Variants in MYT1L observed in about 807,000 individuals in gnomAD.
The protein encoded by MYT1L is myelin transcription factor 1-like protein.
A neutral mutation model predicts 126.7 loss-of-function variants in MYT1L; 12 were observed. The observed-to-expected ratio is 0.09, with a 90% CI of 0.06 to 0.15. The LOEUF is 0.15. Ranked by LOEUF, MYT1L falls within the 10% of genes least tolerant of loss-of-function variation. The pLI is 1.00. For synonymous variants in MYT1L, 541 were observed against 604.2 expected, an observed-to-expected ratio of 0.90 and a Z score of 1.53; for missense variants, 979 against 1,585.2, an observed-to-expected ratio of 0.62 and a Z score of 6.49.
At chr2:1,845,850 G>T (rs1322197684) in intron 19 of MYT1L, among the ~76,000 whole-genome samples, 5 of 152,182 alleles carry the variant, frequency 3.3e-5, no homozygotes, top group Non-Finnish European at 7.3e-5. Flanking sequence ...TGTCAAATGT[G>T]CATTGATGTT....
chr2:2,275,863 T>G (rs895256044), intron 2 of MYT1L, among the ~76,000 whole-genome samples: 1 of 152,162 alleles, frequency 6.6e-6, no homozygotes, highest in African/African-American at 2.4e-5. Context: ...GCCTTGTTCT[T>G]GTCCTCAAGA....
chr2:1,858,964 T>G (rs528183537), intron 18 of MYT1L, among the ~76,000 whole-genome samples: 3 of 152,138 alleles, frequency 2.0e-5, no homozygotes, highest in African/African-American at 4.8e-5. Context: ...TAGGAAAGGG[T>G]GCGGCGGCAT....
At position 2,015,080 on chromosome 2, in the gene MYT1L, C is replaced by T. The variant is rs140489254; in HGVS notation, c.-157-17733G>A. ...TGCAAATTTTCTAGCTGGGCTGGCA[C>T]TTGTATCCATAGATACCAGGTGTCC... On this transcript the variant is annotated intron_variant, in intron 4 of 24. Coordinates refer to ENST00000647738, the MANE Select transcript of MYT1L (RefSeq NM_001303052.2). Among the ~76,000 whole-genome samples the T allele has an allele frequency of 4.6e-5, 7 of 152,310 alleles. No individual in the cohort carries two copies. In the East Asian group the frequency reaches 1.2e-3, roughly 25 times the overall value.
chr2:2,302,701 T>G lies in MYT1L; in HGVS notation c.-520-18198A>C, dbSNP rs547211284. Among the ~76,000 whole-genome samples, 29 of 152,318 alleles carry G rather than the reference T, an allele frequency of 1.9e-4. No homozygotes were observed. In the South Asian group the frequency reaches 6.0e-3, roughly 32 times the overall value. On this transcript the variant is annotated intron_variant, in intron 1 of 24. Transcript: ENST00000647738. Reference sequence around the variant, plus strand: ...GGAAACCTGATCAAATTCTTGTAACTCTTAGAGAATTTAAATGGGCTCTTT... The same window carrying G: ...GGAAACCTGATCAAATTCTTGTAACGCTTAGAGAATTTAAATGGGCTCTTT...
At chr2:1,931,210 C>A (rs950115238) in intron 9 of MYT1L, among the ~76,000 whole-genome samples, 3 of 152,316 alleles carry the variant, frequency 2.0e-5, no homozygotes, top group Non-Finnish European at 2.9e-5. Context: ...TCCTCATCTG[C>A]CGTGGCAGAC....
At chr2:2,009,383 T>G (rs1484360028) in intron 4 of MYT1L, among the ~76,000 whole-genome samples, 1 of 152,216 alleles carries the variant, frequency 6.6e-6, no homozygotes, top group African/African-American at 2.4e-5. Context: ...ATTTCTTTCC[T>G]TAATGTTTTA....
At chr2:2,189,703 TGAA>T (rs1384176186) in intron 2 of MYT1L, among the ~76,000 whole-genome samples, 2 of 152,214 alleles carry the variant, frequency 1.3e-5, no homozygotes, top group East Asian at 3.9e-4. Flanking sequence ...ATTAAGCCTA[TGAA>T]GAGCCCTTGT....
chr2:1,857,755 C>T (rs1050133619), intron 18 of MYT1L, among the ~76,000 whole-genome samples: 3 of 152,050 alleles, frequency 2.0e-5, no homozygotes, highest in African/African-American at 4.8e-5. Context: ...ATGGAAATTT[C>T]AATTTTAAAA....
At chr2:2,157,623 G>A (rs1383599629) in intron 3 of MYT1L, among the ~76,000 whole-genome samples, 3 of 152,194 alleles carry the variant, frequency 2.0e-5, no homozygotes, top group Non-Finnish European at 4.4e-5. Flanking sequence ...AGCATATGAG[G>A]AAAGGCAGGA....
intron 3 of MYT1L, among the ~76,000 whole-genome samples, chr2:2,139,438 G>A (rs956981160): frequency 6.6e-6 from 1 of 151,564 alleles, no homozygotes; most frequent in Non-Finnish European, 1.5e-5. Flanking sequence ...TGGCCAACAT[G>A]ATGAAACCCT....
At chr2:1,866,266 C>T (rs1012310606) in intron 18 of MYT1L, among the ~76,000 whole-genome samples, 2 of 152,090 alleles carry the variant, frequency 1.3e-5, no homozygotes, top group African/African-American at 4.8e-5. Context: ...GAGTCAGGAC[C>T]ATGGGGTGTT....
chr2:1,931,937 A>G (rs11127302), intron 9 of MYT1L, among the ~76,000 whole-genome samples: 23,924 of 152,068 alleles, frequency 0.16, 2,031 homozygotes, highest in East Asian at 0.32. Context: ...CCAGGAAGGC[A>G]CCTGTCCCCC....
Position 1,943,384 on chromosome 2 carries a change from G to A in MYT1L, c.153-50C>T, listed in dbSNP as rs1349853346. ...GGGGAGAGAGAGAAAAAAAATATCT[G>A]TGTTACTGTCTTTTAAAATCAGACC... On this transcript the variant is annotated intron_variant, in intron 8 of 24. Coordinates refer to ENST00000647738, the MANE Select transcript of MYT1L (RefSeq NM_001303052.2). The surrounding 1 kb of genome is among the most constrained non-coding windows in gnomAD (Gnocchi z 4.4). 2.0e-6 allele frequency: 3 copies of A among 1,473,824 alleles called. No homozygotes were observed. The highest frequency in any genetic ancestry group is 1.8e-6 in the Non-Finnish European group (2 of 1,114,676). 91.3% of individuals were successfully genotyped at this position (1,473,824 alleles called of 1,614,324 possible).
intron 21 of MYT1L, among the ~76,000 whole-genome samples, chr2:1,817,659 G>A (rs898381933): frequency 2.0e-5 from 3 of 152,170 alleles, no homozygotes; most frequent in Admixed American, 2.0e-4. Context: ...GCGGCCCTGG[G>A]GGGTGGTGGC....
intron 9 of MYT1L, among the ~76,000 whole-genome samples, chr2:1,923,800 G>A (rs1448609003): frequency 6.6e-6 from 1 of 152,130 alleles, no homozygotes; most frequent in Non-Finnish European, 1.5e-5. Flanking sequence ...CAGGGGTGCC[G>A]GCTGCATTGG....
intron 19 of MYT1L, among the ~76,000 whole-genome samples, chr2:1,850,712 G>T (rs1039130056): frequency 6.6e-6 from 1 of 152,082 alleles, no homozygotes; most frequent in African/African-American, 2.4e-5. Flanking sequence ...ATCAGTGTCG[G>T]AGCATTTGGA....
At chr2:1,825,483 T>G (rs1406262765) in intron 21 of MYT1L, 1 of 152,224 alleles carries the variant, frequency 6.6e-6, no homozygotes, top group African/African-American at 2.4e-5. Flanking sequence ...AATCAAGTAA[T>G]ATTATGTTTA....
At chr2:1,838,636 GC>G (rs911212077) in intron 21 of MYT1L, among the ~76,000 whole-genome samples, 65 of 152,270 alleles carry the variant, frequency 4.3e-4, no homozygotes, top group African/African-American at 1.5e-3. Flanking sequence ...CACAGAACGG[GC>G]CTCTCCTAAG....
intron 4 of MYT1L, among the ~76,000 whole-genome samples, chr2:2,053,219 G>C (rs778131949): frequency 1.3e-5 from 2 of 152,224 alleles, no homozygotes; most frequent in Non-Finnish European, 2.9e-5. Flanking sequence ...CATATTCACA[G>C]AGAGAGAAAG....
Sources: allele counts gnomAD v4.1 joint callset (sites outside exome capture counted in the v4.1 genomes callset), GRCh38; gene constraint gnomAD v4.1.1; non-coding constraint Gnocchi (gnomAD v3.1); transcripts MANE v1.5; gene names NCBI Gene and HGNC (gene_info 2026-07-23, HGNC 2026-07-21).